The following REDIC1 variants were observed in gnomAD, a reference collection of about 807,000 sequenced individuals.
REDIC1 encodes HEI10 Interacting Protein 1.
At chr12:39,830,272 G>A in the REDIC1 span, 4 of 1,596,424 alleles carry the variant, frequency 2.5e-6, no homozygotes, top group Non-Finnish European at 3.4e-6. Flanking sequence ...AGAGACAACT[G>A]GTGCTCACCA....
At chr12:39,763,645 C>T in the REDIC1 span, among the ~76,000 whole-genome samples, 27 of 152,128 alleles carry the variant, frequency 1.8e-4, no homozygotes, top group African/African-American at 6.3e-4. Flanking sequence ...ATGAGAGAAG[C>T]TCTTCTGGGA....
chr12:39,634,298 C>T, the REDIC1 span, among the ~76,000 whole-genome samples: 17 of 152,232 alleles, frequency 1.1e-4, no homozygotes, highest in East Asian at 3.3e-3. Flanking sequence ...TGAGACTTTG[C>T]TGAAGTTGCT....
At chr12:39,678,253 ATAT>A in the REDIC1 span, among the ~76,000 whole-genome samples, 2 of 152,166 alleles carry the variant, frequency 1.3e-5, no homozygotes. Context: ...AAAATGGGAG[ATAT>A]TATAACTGAT....
chr12:39,820,175 T>C, the REDIC1 span, among the ~76,000 whole-genome samples: 1 of 152,104 alleles, frequency 6.6e-6, no homozygotes, highest in Non-Finnish European at 1.5e-5. Flanking sequence ...CATGTGCCTC[T>C]GAAATGAAAA....
chr12:39,752,685 A>T, the REDIC1 span, among the ~76,000 whole-genome samples: 1 of 152,184 alleles, frequency 6.6e-6, no homozygotes, highest in East Asian at 1.9e-4. Context: ...GAACTGGATA[A>T]ACAAAGAATA....
At chr12:39,683,579 C>A in the REDIC1 span, 1 of 1,020,306 alleles carries the variant, frequency 9.8e-7, no homozygotes, top group Non-Finnish European at 1.5e-6. Flanking sequence ...GGCGTATTGC[C>A]ATTTGAGGGT....
chr12:39,878,552 G>A, the REDIC1 span, among the ~76,000 whole-genome samples: 1 of 152,172 alleles, frequency 6.6e-6, no homozygotes, highest in Non-Finnish European at 1.5e-5. Context: ...GCTTGAGATT[G>A]ATTACTACAG....
the REDIC1 span, among the ~76,000 whole-genome samples, chr12:39,775,137 A>C: frequency 6.6e-6 from 1 of 152,196 alleles, no homozygotes; most frequent in African/African-American, 2.4e-5. Flanking sequence ...CAAGATTAAC[A>C]TAGATAGAGA....
At chr12:39,748,043 C>G in the REDIC1 span, among the ~76,000 whole-genome samples, 1 of 152,282 alleles carries the variant, frequency 6.6e-6, no homozygotes, top group East Asian at 1.9e-4. Context: ...AACCAGCTAA[C>G]ATCATAATGA....
the REDIC1 span, among the ~76,000 whole-genome samples, chr12:39,655,208 A>G: frequency 2.0e-5 from 3 of 151,072 alleles, no homozygotes; most frequent in African/African-American, 4.9e-5. Flanking sequence ...TTGTTTTTCT[A>G]TTTTCCATTT....
the REDIC1 span, among the ~76,000 whole-genome samples, chr12:39,814,009 ATATTGTATTG>A: frequency 1.1e-4 from 17 of 152,208 alleles, no homozygotes; most frequent in African/African-American, 3.4e-4. Context: ...TACTTCATCT[ATATTGTATTG>A]CCAAATTCTG....
At chr12:39,626,226 CCTGACGT>C in the REDIC1 span, 7 of 1,200,612 alleles carry the variant, frequency 5.8e-6, no homozygotes, top group East Asian at 9.5e-5. Context: ...TTACTCGGGC[CCTGACGT>C]TGTCAGGAGG....
chr12:39,700,086 G>A, the REDIC1 span, among the ~76,000 whole-genome samples: 4 of 152,328 alleles, frequency 2.6e-5, no homozygotes, highest in South Asian at 2.1e-4. Flanking sequence ...AAAGCTGGAC[G>A]GAGAATGACT....
chr12:39,707,829 A>G, the REDIC1 span, among the ~76,000 whole-genome samples: 2 of 151,842 alleles, frequency 1.3e-5, no homozygotes, highest in Non-Finnish European at 2.9e-5. Flanking sequence ...AGAAAATAGC[A>G]TAAAAAAAGA....
At chr12:39,839,093 C>G in the REDIC1 span, among the ~76,000 whole-genome samples, 1 of 152,084 alleles carries the variant, frequency 6.6e-6, no homozygotes, top group Non-Finnish European at 1.5e-5. Flanking sequence ...TTTCCCCTAA[C>G]AGCTATTCCC....
the REDIC1 span, among the ~76,000 whole-genome samples, chr12:39,717,040 A>G: frequency 6.6e-6 from 1 of 151,824 alleles, no homozygotes; most frequent in African/African-American, 2.4e-5. Flanking sequence ...GTCCATGAGT[A>G]CCATTTTTCA....
the REDIC1 span, among the ~76,000 whole-genome samples, chr12:39,697,041 A>G: frequency 6.6e-6 from 1 of 152,204 alleles, no homozygotes; most frequent in African/African-American, 2.4e-5. Flanking sequence ...AGCAGATTTA[A>G]CCCAAAGAAG....
chr12:39,812,337 T>TTTTTCTTTTCTTTCTTTTC, the REDIC1 span, among the ~76,000 whole-genome samples: 2 of 135,188 alleles, frequency 1.5e-5, no homozygotes, highest in African/African-American at 6.1e-5. Context: ...ACTAATTTCT[T>TTTTTCTTTTCTTTCTTTTC]TTTTCTTTTC....
At chr12:39,684,962 G>A in the REDIC1 span, 41 of 1,495,102 alleles carry the variant, frequency 2.7e-5, no homozygotes, top group Middle Eastern at 3.4e-4. Flanking sequence ...TCTCAATTAA[G>A]TCAGTTTGTA....
Sources: gnomAD v4.1 joint callset for allele counts (sites outside exome capture counted in the v4.1 genomes callset) on GRCh38, gnomAD v4.1.1 for gene constraint, MANE v1.5 for transcripts, NCBI Gene and HGNC (gene_info 2026-07-23, HGNC 2026-07-21) for gene names.